Variants in ARHGAP31 observed in about 807,000 individuals in gnomAD.
ARHGAP31 encodes the protein rho GTPase-activating protein 31.
Under a neutral mutation model 113.9 loss-of-function variants are expected in ARHGAP31, and 34 were observed. The observed-to-expected ratio is 0.30, with a 90% confidence interval of 0.23 to 0.40. The LOEUF (loss-of-function observed/expected upper bound fraction) is 0.40. ARHGAP31 is among the 10% of genes least tolerant of loss of function. The pLI, the probability that ARHGAP31 is intolerant of heterozygous loss-of-function variation, is 1.00. For synonymous variants in ARHGAP31, 650 were observed against 684.8 expected (o/e 0.95, Z 0.79); for missense variants, 1,548 against 1,767.1 (o/e 0.88, Z 2.22).
In ARHGAP31 at chr3:119,414,419, CTCT is replaced by C; in HGVS notation, c.2491_2493del (p.Ser832del). 6.2e-7 allele frequency: 1 copy of C among 1,614,222 alleles called. No homozygotes were observed. On this transcript the variant is annotated inframe_deletion, in exon 12 of 12. Transcript: ENST00000264245. ...TGAAGTCCCAAGACAGCCCTGAGAT[CTCT>C]AGCCTCTGTCAGGGAGAGGAGGCAA...
intron 1 of ARHGAP31, among the ~76,000 whole-genome samples, chr3:119,350,387 A>G (rs1014277361): frequency 2.0e-5 from 3 of 152,186 alleles, no homozygotes; most frequent in Non-Finnish European, 4.4e-5. Context: ...TGTTCTTCAC[A>G]TAGTCGTAGC....
chr3:119,401,788 G>A (rs761934029), intron 9 of ARHGAP31, 34 bp from the exon 10 acceptor site: 6 of 1,605,234 alleles, frequency 3.7e-6, no homozygotes, highest in Non-Finnish European at 5.1e-6. Context: ...TGTGTGCCCC[G>A]GCTGCTGACC....
At chr3:119,374,654 G>A (rs1378674844) in intron 3 of ARHGAP31, among the ~76,000 whole-genome samples, 2 of 152,048 alleles carry the variant, frequency 1.3e-5, no homozygotes, top group African/African-American at 2.4e-5. Flanking sequence ...AGTGTGTGGC[G>A]GTTCCCCCTT....
At chr3:119,381,071 A>G in intron 4 of ARHGAP31, 85 bp downstream of exon 4, 1 of 1,350,798 alleles carries the variant, frequency 7.4e-7, no homozygotes, top group East Asian at 2.3e-5. Flanking sequence ...GAAAGGAAAC[A>G]ATGTGTGGAC....
intron 1 of ARHGAP31, among the ~76,000 whole-genome samples, chr3:119,307,940 C>CAAAAAAAAAAAAGAAAAAAAAA (rs2079644690): frequency 2.2e-5 from 1 of 45,452 alleles, no homozygotes; most frequent in Admixed American, 4.6e-4. Flanking sequence ...GAATTAACAG[C>CAAAAAAAAAAAAGAAAAAAAAA]AAAAAAAAAA....
intron 8 of ARHGAP31, among the ~76,000 whole-genome samples, chr3:119,397,811 C>G (rs1268217369): frequency 6.6e-6 from 1 of 152,208 alleles, no homozygotes; most frequent in Admixed American, 6.5e-5. Context: ...CTCATAGAAC[C>G]TTCTCCTGTC....
Position 119,401,963 on chromosome 3 carries a change from C to T in ARHGAP31, c.1211C>T (p.Pro404Leu), listed in dbSNP as rs374184198. ...QEGEWGQEGM[P>L]PGAEGGFDVS... ...GGCGAATGGGGCCAGGAGGGGATGC[C>T]TCCCGGGGCTGAGGGTGGCTTTGAT... The change falls in exon 10 of 12, where the codon CCT becomes CTT. Residue 404 changes from proline (P) to leucine (L), a missense_variant. Physicochemically the swap from Pro to Leu is moderately conservative, Grantham distance 98. Coordinates refer to ENST00000264245, the MANE Select transcript of ARHGAP31 (RefSeq NM_020754.4). 98 of 1,613,998 alleles carry T rather than the reference C, an allele frequency of 6.1e-5. No homozygotes were observed. The highest frequency in any genetic ancestry group is 7.6e-5 in the Non-Finnish European group (90 of 1,180,030).
intron 1 of ARHGAP31, among the ~76,000 whole-genome samples, chr3:119,358,590 A>C (rs981097517): frequency 6.6e-6 from 1 of 152,242 alleles, no homozygotes; most frequent in African/African-American, 2.4e-5. Context: ...AAGTGGAAAT[A>C]ACTCAAATTT....
chr3:119,331,768 TC>T (rs1194288934), intron 1 of ARHGAP31, among the ~76,000 whole-genome samples: 1 of 152,168 alleles, frequency 6.6e-6, no homozygotes, highest in Non-Finnish European at 1.5e-5. Context: ...ATTATGAAAA[TC>T]AGGGCTGTCT....
chr3:119,303,786 T>TTTGTTGTTGTTGTTG (rs556192445), intron 1 of ARHGAP31, among the ~76,000 whole-genome samples: 5 of 150,962 alleles, frequency 3.3e-5, no homozygotes, highest in African/African-American at 4.9e-5. Context: ...TTTCATGTTT[T>TTTGTTGTTGTTGTTG]TTGTTGTTGT....
At chr3:119,413,736 C>A (rs1054494850) in intron 11 of ARHGAP31, 120 bp from the exon 12 acceptor site, 1 of 1,367,612 alleles carries the variant, frequency 7.3e-7, no homozygotes, top group Non-Finnish European at 1.0e-6. Flanking sequence ...GGTGCTGCAT[C>A]CTGTATTTGC....
At chr3:119,402,960 G>C (rs907048922) in intron 10 of ARHGAP31, among the ~76,000 whole-genome samples, 1 of 152,178 alleles carries the variant, frequency 6.6e-6, no homozygotes, top group Admixed American at 6.5e-5. Context: ...GATTCTGATT[G>C]GATCTGCCTG....
chr3:119,395,595 G>A (rs1240334502), intron 8 of ARHGAP31, among the ~76,000 whole-genome samples: 1 of 152,142 alleles, frequency 6.6e-6, no homozygotes, highest in Non-Finnish European at 1.5e-5. Flanking sequence ...CCTAAGAGCA[G>A]GGACCCTTCT....
At chr3:119,354,114 G>A (rs1056326095) in intron 1 of ARHGAP31, among the ~76,000 whole-genome samples, 6 of 152,226 alleles carry the variant, frequency 3.9e-5, no homozygotes, top group African/African-American at 7.2e-5. Flanking sequence ...ACCCCCACCC[G>A]GGGAACCGGG....
In ARHGAP31 at chr3:119,309,718, C is replaced by A. The variant is rs143952010; in HGVS notation, c.100+14714C>A. ...AAAGCCGCAGTGAGCTGTGATCATG[C>A]CACTGCATTCCAGCCTGAGACAGAG... On this transcript the variant is annotated intron_variant, in intron 1 of 11. Coordinates refer to ENST00000264245, the MANE Select transcript of ARHGAP31 (RefSeq NM_020754.4). Among the ~76,000 whole-genome samples, 812 of 152,168 alleles carry A rather than the reference C, an allele frequency of 5.3e-3. 3 individuals are homozygous for A. The highest frequency in any genetic ancestry group is 7.7e-3 in the Admixed American group (117 of 15,290).
chr3:119,361,414 C>T (rs1252167862), intron 1 of ARHGAP31, among the ~76,000 whole-genome samples: 1 of 144,454 alleles, frequency 6.9e-6, no homozygotes, highest in Non-Finnish European at 1.5e-5. Context: ...CAGAGTCTAG[C>T]TTTGTCGCCC....
chr3:119,306,512 G>A (rs1001982756), intron 1 of ARHGAP31, among the ~76,000 whole-genome samples: 9 of 152,110 alleles, frequency 5.9e-5, no homozygotes, highest in African/African-American at 1.7e-4. Context: ...AGCCGAGATC[G>A]CACCACTGCA....
intron 1 of ARHGAP31, among the ~76,000 whole-genome samples, chr3:119,324,291 A>C (rs989358693): frequency 6.6e-6 from 1 of 152,236 alleles, no homozygotes; most frequent in Admixed American, 6.5e-5. Context: ...TAGGAAATGT[A>C]GGGCCATCTA....
rs145865821 is a variant in ARHGAP31, at chr3:119,415,914, C to T, written c.3985C>T (p.Pro1329Ser). ...DNLLSSKLERPSGGSKPFHRS... is the reference protein window; with the variant it reads ...DNLLSSKLERSSGGSKPFHRS... Reference sequence around the variant, plus strand: ...CCTTCTTTCTTCAAAACTAGAGCGACCATCTGGGGGTTCTAAGCCTTTCCA... The same window carrying T: ...CCTTCTTTCTTCAAAACTAGAGCGATCATCTGGGGGTTCTAAGCCTTTCCA... The change falls in exon 12 of 12, where the codon CCA becomes TCA. Residue 1329 changes from proline to serine, a missense_variant. Physicochemically the swap from Pro to Ser is moderately conservative, Grantham distance 74. Transcript: ENST00000264245. The T allele has an allele frequency of 3.7e-6, 6 of 1,614,196 alleles. No homozygotes were observed. In the African/African-American group the frequency reaches 8.0e-5, roughly 22 times the overall value.
Sources: gnomAD v4.1 joint callset for allele counts (sites outside exome capture counted in the v4.1 genomes callset) on GRCh38, gnomAD v4.1.1 for gene constraint, MANE v1.5 for transcripts, NCBI Gene and HGNC (gene_info 2026-07-23, HGNC 2026-07-21) for gene names.